MYO1A: variants seen among roughly 807,000 people sequenced by gnomAD.
MYO1A encodes the protein unconventional myosin-Ia.
MYO1A carries 127 observed loss-of-function variants against 138.5 expected under a neutral mutation model. The observed-to-expected ratio is 0.92, with a 90% CI of 0.79 to 1.06. MYO1A has a LOEUF of 1.06. Among genes scored for constraint, MYO1A ranks in the 50% least tolerant of loss-of-function variants. The pLI, the probability that MYO1A is intolerant of heterozygous loss-of-function variation, is 0.00. For synonymous variants in MYO1A, 477 were observed against 497.5 expected (o/e 0.96, Z 0.55); for missense variants, 1,211 against 1,288.8 (o/e 0.94, Z 0.92).
At chr12:57,048,733 C>T (rs980776320) in intron 1 of MYO1A, among the ~76,000 whole-genome samples, 2 of 152,042 alleles carry the variant, frequency 1.3e-5, no homozygotes, top group Admixed American at 1.3e-4. Context: ...GTACAGAAAG[C>T]CCTCTCTCTC....
chr12:57,039,021 G>A lies in MYO1A; in HGVS notation c.1333-12C>T, dbSNP rs751917182. On this transcript the variant is annotated splice_polypyrimidine_tract_variant and intron_variant, in intron 15 of 27. Coordinates refer to ENST00000300119, the MANE Select transcript of MYO1A (RefSeq NM_005379.4). ...ATACCTCGCTGATTCTGGGCCGGGG[G>A]AACAAAAGAAGCCCAACCTAAATCT... 1.9e-6 allele frequency: 3 copies of A among 1,610,812 alleles called. No homozygotes were observed. Among genetic ancestry groups the A allele is most frequent in the Non-Finnish European group, 2.5e-6 (3 of 1,178,334 alleles).
At chr12:57,047,012 T>C in intron 6 of MYO1A, 49 bp downstream of exon 6, 5 of 1,612,660 alleles carry the variant, frequency 3.1e-6, no homozygotes, top group Non-Finnish European at 3.4e-6. Flanking sequence ...CATTCCTCCC[T>C]CTTAAGCCCC....
chr12:57,047,721 G>C lies in MYO1A; in HGVS notation c.231C>G (p.Ile77Met), dbSNP rs985991904. Residue 77 changes from isoleucine (I) to methionine (M), a missense_variant and splice_region_variant, in exon 4 of 28, where the codon ATC becomes ATG. Coordinates refer to ENST00000300119, the MANE Select transcript of MYO1A (RefSeq NM_005379.4). Reference sequence around the variant, plus strand: ...GGTACGCCACATTTGCCAATGCGTAGCTTGTGGGGAGGAAGTGGGCAATGA... The same window carrying C: ...GGTACGCCACATTTGCCAATGCGTACCTTGTGGGGAGGAAGTGGGCAATGA... ...DYTFYELKPH[I>M]YALANVAYQS... The C allele has an allele frequency of 6.2e-7, 1 of 1,614,056 alleles. No individual in the cohort carries two copies. Among genetic ancestry groups the C allele is most frequent in the African/African-American group, 1.3e-5 (1 of 74,928 alleles).
chr12:57,049,972 C>T lies in MYO1A; in HGVS notation c.-106G>A, dbSNP rs2031280887. 1 of 152,348 alleles carries T rather than the reference C, an allele frequency of 6.6e-6. No homozygotes were observed. Among genetic ancestry groups the T allele is most frequent in the Non-Finnish European group, 1.5e-5 (1 of 68,162 alleles). The allele number at this position is 152,348 out of a possible 1,614,324, so 9.4% of individuals were successfully genotyped here. A position where few individuals can be genotyped will look rare whatever the true frequency, so the allele number is the denominator to read the frequency against. ...TTTGACAGGAATGGGGCATAAGAGTCCTGGCCCCAGGATGGAGAGGTGGCT... is the reference window on the plus strand; with the variant it reads ...TTTGACAGGAATGGGGCATAAGAGTTCTGGCCCCAGGATGGAGAGGTGGCT... On this transcript the variant is annotated 5_prime_UTR_variant, in exon 1 of 28. Transcript: ENST00000300119.
upstream of MYO1A, chr12:57,050,722 CAT>C (rs762179542): frequency 2.0e-5 from 3 of 152,224 alleles, no homozygotes; most frequent in Non-Finnish European, 4.4e-5. Context: ...TAATACCTCA[CAT>C]GTGTATAGAT....
intron 1 of MYO1A, among the ~76,000 whole-genome samples, chr12:57,049,055 C>T (rs574833583): frequency 6.6e-6 from 1 of 152,384 alleles, no homozygotes; most frequent in South Asian, 2.1e-4. Context: ...GGATGTGCTA[C>T]ATGTCTGTCT....
At chr12:57,036,656 G>T in intron 21 of MYO1A, 116 bp downstream of exon 21, 1 of 1,280,246 alleles carries the variant, frequency 7.8e-7, no homozygotes, top group Non-Finnish European at 1.1e-6. Context: ...TGGACCGGCT[G>T]ATACACAGAG....
rs1056359512 is a variant in MYO1A at position 57,038,346 on chromosome 12, A to G, written c.1760+66T>C. 3 of 1,537,172 alleles carry G rather than the reference A, an allele frequency of 2.0e-6. No individual in the cohort carries two copies. The African/African-American group carries it at 4.1e-5, about 21-fold the overall frequency. ...AAGCACCCCCACATGGACGTGTTCT[A>G]CAGCGCATGGACCCTGCACGTGCCA... On this transcript the variant is annotated intron_variant, in intron 17 of 27. Coordinates refer to ENST00000300119, the MANE Select transcript of MYO1A (RefSeq NM_005379.4).
Position 57,046,864 on chromosome 12 carries a change from G to A in MYO1A, c.540C>T (p.Asn180=). 1 of 1,614,010 alleles carries A rather than the reference G, an allele frequency of 6.2e-7. No individual in the cohort carries two copies. The highest frequency in any genetic ancestry group is 8.5e-7 in the Non-Finnish European group (1 of 1,179,908). Residue 180 remains asparagine, a splice_region_variant and synonymous_variant, in exon 7 of 28, where the codon AAC becomes AAT. Transcript: ENST00000300119. ...KGSPLGGVIT[N]YLLEKSRLVK... The stretch of plus-strand genomic sequence containing the variant: ...GAGTGGAATTGGGGAGACACGTACA[G>A]TTTGTGATGACACCACCGAGGGGGG...
chr12:57,046,386 T>C (rs1215863038), intron 8 of MYO1A, among the ~76,000 whole-genome samples, 166 bp downstream of exon 8: 1 of 151,894 alleles, frequency 6.6e-6, no homozygotes, highest in Non-Finnish European at 1.5e-5. Context: ...TTCCCAACAA[T>C]GAGTGGGTGA....
At chr12:57,034,395 G>A (rs1176313098) in intron 22 of MYO1A, among the ~76,000 whole-genome samples, 1 of 152,234 alleles carries the variant, frequency 6.6e-6, no homozygotes, top group Non-Finnish European at 1.5e-5. Context: ...GGGTAAGGCC[G>A]GGTGCAGTGG....
At chr12:57,048,147 G>A in intron 2 of MYO1A, 43 bp from the exon 3 acceptor site, 1 of 1,601,456 alleles carries the variant, frequency 6.2e-7, no homozygotes, top group Non-Finnish European at 8.6e-7. Context: ...TTGAGGGTGA[G>A]GTGGGAGCCT....
chr12:57,037,475 C>A, intron 19 of MYO1A, 73 bp downstream of exon 19: 1 of 1,309,210 alleles, frequency 7.6e-7, no homozygotes, highest in Non-Finnish European at 1.1e-6. Context: ...ACGCTCCCTC[C>A]CCCTCCAGCC....
intron 17 of MYO1A, 65 bp downstream of exon 17, chr12:57,038,347 C>G: frequency 6.5e-7 from 1 of 1,540,732 alleles, no homozygotes; most frequent in Non-Finnish European, 8.9e-7. Flanking sequence ...ACGTGTTCTA[C>G]AGCGCATGGA....
In MYO1A at chr12:57,028,706, G is replaced by C; in HGVS notation, c.*49C>G. The C allele has an allele frequency of 6.2e-7, 1 of 1,610,552 alleles. No homozygotes were observed. The highest frequency in any genetic ancestry group is 8.5e-7 in the Non-Finnish European group (1 of 1,178,082). On this transcript the variant is annotated 3_prime_UTR_variant, in exon 28 of 28. Coordinates refer to ENST00000300119, the MANE Select transcript of MYO1A (RefSeq NM_005379.4). ...CACACAGGAGGGCAGAGGGGGATTA[G>C]TGCTGGTTCAGGAGGAAGCAACTGC...
chr12:57,032,109 A>G (rs2030317317), intron 22 of MYO1A, among the ~76,000 whole-genome samples: 2 of 152,226 alleles, frequency 1.3e-5, no homozygotes, highest in South Asian at 2.1e-4. Context: ...ATCAGCTCAA[A>G]GCCCTCCCTG....
chr12:57,031,129 T>C lies in MYO1A; in HGVS notation c.2395A>G (p.Asn799Asp), dbSNP rs1004026421. 6.2e-7 allele frequency: 1 copy of C among 1,614,100 alleles called. No homozygotes were observed. The highest frequency in any genetic ancestry group is 8.5e-7 in the Non-Finnish European group (1 of 1,180,020). Reference protein sequence around the residue: ...LGLKNNLPSTNVLDKTWPAAP... With the variant: ...LGLKNNLPSTDVLDKTWPAAP... ...GCTGGCCATGTCTTGTCTAAGACGTTTGTGGATGGCAAATTGTTCTTCAGC... is the reference window on the plus strand; with the variant it reads ...GCTGGCCATGTCTTGTCTAAGACGTCTGTGGATGGCAAATTGTTCTTCAGC... The change falls in exon 23 of 28, where the codon AAC becomes GAC. Residue 799 changes from asparagine to aspartate, a missense_variant. Transcript: ENST00000300119.
At chr12:57,045,440 G>A (rs1394141819) in intron 8 of MYO1A, among the ~76,000 whole-genome samples, 1 of 152,074 alleles carries the variant, frequency 6.6e-6, no homozygotes, top group East Asian at 1.9e-4. Context: ...GAATGTCTGG[G>A]GATGATGATA....
At chr12:57,046,755 G>A in intron 7 of MYO1A, 105 bp from the exon 8 acceptor site, 1 of 1,509,980 alleles carries the variant, frequency 6.6e-7, no homozygotes, top group East Asian at 2.3e-5. Flanking sequence ...TAGTGGTTGG[G>A]AAGTCTCCTT....
Sources: allele counts gnomAD v4.1 joint callset (sites outside exome capture counted in the v4.1 genomes callset), GRCh38; gene constraint gnomAD v4.1.1; transcripts MANE v1.5; gene names NCBI Gene and HGNC (gene_info 2026-07-23, HGNC 2026-07-21).